CELF5: variants seen among roughly 807,000 people sequenced by gnomAD.
The protein encoded by CELF5 is CUG-BP and ETR-3 like factor 5.
Under a neutral mutation model 54.9 loss-of-function variants are expected in CELF5, and 6 were observed. That is an observed-to-expected ratio of 0.11 (90% CI 0.06 to 0.22). The LOEUF (loss-of-function observed/expected upper bound fraction) is 0.22. CELF5 is among the 10% of genes least tolerant of loss of function. CELF5 has a pLI of 1.00. For missense variants in CELF5, 401 were observed against 678.6 expected, an observed-to-expected ratio of 0.59 and a Z score of 4.54; for synonymous variants, 271 against 290.9, an observed-to-expected ratio of 0.93 and a Z score of 0.70.
intron 1 of CELF5, among the ~76,000 whole-genome samples, chr19:3,231,595 G>A (rs1281748810): frequency 6.6e-6 from 1 of 151,008 alleles, no homozygotes; most frequent in Non-Finnish European, 1.5e-5. Flanking sequence ...ATGGGTGGGT[G>A]GATGGATGGA....
chr19:3,266,966 G>A (rs1300863296), intron 2 of CELF5, among the ~76,000 whole-genome samples: 1 of 152,134 alleles, frequency 6.6e-6, no homozygotes, highest in South Asian at 2.1e-4. Context: ...ACGCCCGCAC[G>A]AGCACAGCCT....
At chr19:3,273,810 A>ACCCCCCCCCCCCCC in intron 2 of CELF5, 62 bp from the exon 3 acceptor site, 6 of 1,190,148 alleles carry the variant, frequency 5.0e-6, no homozygotes, top group Non-Finnish European at 6.2e-6. Context: ...CTCAGGCAAA[A>ACCCCCCCCCCCCCC]CCCCCCGCCT....
At chr19:3,263,797 C>T (rs2079841911) in intron 2 of CELF5, among the ~76,000 whole-genome samples, 1 of 150,792 alleles carries the variant, frequency 6.6e-6, no homozygotes, top group South Asian at 2.1e-4. Context: ...TCCAGCTACT[C>T]AGGAGGCTGA....
rs974278816 is a variant in CELF5 at position 3,275,971 on chromosome 19, C to T, written c.510C>T (p.Asp170=). The T allele has an allele frequency of 6.9e-6, 10 of 1,442,934 alleles. No individual in the cohort carries two copies. The African/African-American group carries it at 1.4e-4, about 20-fold the overall frequency. 89.4% of individuals were successfully genotyped at this position (1,442,934 alleles called of 1,614,324 possible). A position where few individuals can be genotyped will look rare whatever the true frequency, so the allele number is the denominator to read the frequency against. Residue 170 remains aspartate, a synonymous_variant, in exon 4 of 13, where the codon GAC becomes GAT. Transcript: ENST00000292672. This position sits in a 1 kb window ranked among gnomAD's most constrained non-coding sequence, Gnocchi z 6.7. The stretch of plus-strand genomic sequence containing the variant: ...AGTGCACCGTGCTCCGGGGGCCTGA[C>T]GGCAGCAGCAAAGGTGACTGGCGGG... ...IDECTVLRGP[D]GSSKGCAFVK...
intron 11 of CELF5, 126 bp downstream of exon 11, chr19:3,290,500 T>A (rs1304525521): frequency 2.9e-6 from 3 of 1,040,626 alleles, no homozygotes; most frequent in Non-Finnish European, 4.3e-6. Context: ...AGAACCAGCC[T>A]GTGGCCGGGC....
At chr19:3,241,808 C>T (rs1054403467) in intron 1 of CELF5, among the ~76,000 whole-genome samples, 1 of 152,108 alleles carries the variant, frequency 6.6e-6, no homozygotes, top group African/African-American at 2.4e-5. Flanking sequence ...GACAGAGTCT[C>T]CCTCTTGCCC....
At chr19:3,271,342 TG>T (rs2079960741) in intron 2 of CELF5, among the ~76,000 whole-genome samples, 1 of 151,492 alleles carries the variant, frequency 6.6e-6, no homozygotes. Flanking sequence ...TAGCAGGGTG[TG>T]GTACCCAGGT....
At chr19:3,285,774 C>T in intron 9 of CELF5, among the ~76,000 whole-genome samples, 168 bp from the exon 10 acceptor site, 1 of 148,264 alleles carries the variant, frequency 6.7e-6, no homozygotes, top group Non-Finnish European at 1.5e-5. Flanking sequence ...TGGCCCCGCC[C>T]TCTGGCCTGG....
At chr19:3,276,005 C>A (rs764373379) in intron 4 of CELF5, 21 bp downstream of exon 4, 3 of 701,578 alleles carry the variant, frequency 4.3e-6, no homozygotes, top group Admixed American at 4.2e-5. Context: ...GGGGCCGGGG[C>A]GGGACTGCGA....
intron 2 of CELF5, among the ~76,000 whole-genome samples, chr19:3,260,749 A>G (rs980854609): frequency 6.6e-6 from 1 of 150,894 alleles, no homozygotes; most frequent in Non-Finnish European, 1.5e-5. Context: ...CAGCCTCCCT[A>G]GTAGCTGGGA....
At chr19:3,236,046 A>C (rs1247412319) in intron 1 of CELF5, among the ~76,000 whole-genome samples, 1 of 152,064 alleles carries the variant, frequency 6.6e-6, no homozygotes, top group Non-Finnish European at 1.5e-5. Flanking sequence ...GGCTGTGGAG[A>C]GGAGCAGGCA....
At chr19:3,288,548 C>G (rs1269397081) in intron 10 of CELF5, among the ~76,000 whole-genome samples, 1 of 147,312 alleles carries the variant, frequency 6.8e-6, no homozygotes, top group Non-Finnish European at 1.5e-5. Context: ...ACAAACAAAA[C>G]AAAAGAAAAC....
chr19:3,224,835 C>T lies in CELF5; in HGVS notation c.96C>T (p.Pro32=), dbSNP rs940514000. The T allele has an allele frequency of 2.5e-6, 4 of 1,589,350 alleles. No individual in the cohort carries two copies. The highest frequency in any genetic ancestry group is 3.4e-6 in the Non-Finnish European group (4 of 1,169,276). Reference sequence around the variant, plus strand: ...TGGGCAGCAGCGGGCCCGAGCCCCCCGGGGGGCAGCCCGACGGCATGAAGG... The same window carrying T: ...TGGGCAGCAGCGGGCCCGAGCCCCCTGGGGGGCAGCCCGACGGCATGAAGG... The part of the protein sequence containing the change: ...SPVGSSGPEP[P]GGQPDGMKDL... The change falls in exon 1 of 13, where the codon CCC becomes CCT. Residue 32 remains proline, a synonymous_variant. Coordinates refer to ENST00000292672, the MANE Select transcript of CELF5 (RefSeq NM_021938.4).
At chr19:3,280,218 T>G (rs1353430694) in intron 5 of CELF5, among the ~76,000 whole-genome samples, 1 of 152,070 alleles carries the variant, frequency 6.6e-6, no homozygotes, top group Non-Finnish European at 1.5e-5. Flanking sequence ...TCCCCACCAG[T>G]GGCTACTGTC....
intron 10 of CELF5, 76 bp from the exon 11 acceptor site, chr19:3,290,155 A>C: frequency 8.5e-7 from 1 of 1,182,748 alleles, no homozygotes; most frequent in South Asian, 1.3e-5. Context: ...TGCGGGCTCC[A>C]GACCTGTGCC....
At chr19:3,264,792 C>G (rs751769408) in intron 2 of CELF5, among the ~76,000 whole-genome samples, 2 of 151,724 alleles carry the variant, frequency 1.3e-5, no homozygotes, top group Non-Finnish European at 2.9e-5. Flanking sequence ...TCTTGGCTCA[C>G]TGCAACCTCT....
At chr19:3,293,224 A>G in intron 11 of CELF5, 95 bp from the exon 12 acceptor site, 1 of 1,541,996 alleles carries the variant, frequency 6.5e-7, no homozygotes, top group Non-Finnish European at 8.8e-7. Context: ...AGGCCTGCTC[A>G]GGACCCCGTG....
chr19:3,288,238 T>C (rs1282757488), intron 10 of CELF5, among the ~76,000 whole-genome samples: 7 of 152,042 alleles, frequency 4.6e-5, no homozygotes, highest in African/African-American at 1.7e-4. Context: ...AGAACAAGCA[T>C]TGGCTGGGTG....
At chr19:3,290,801 C>T (rs1443503882) in intron 11 of CELF5, among the ~76,000 whole-genome samples, 1 of 150,494 alleles carries the variant, frequency 6.6e-6, no homozygotes, top group East Asian at 2.0e-4. Flanking sequence ...CTCCTGACCT[C>T]GTGATCTGCC....
Sources: gnomAD v4.1 joint callset for allele counts (sites outside exome capture counted in the v4.1 genomes callset) on GRCh38, gnomAD v4.1.1 for gene constraint, Gnocchi (gnomAD v3.1) non-coding constraint, MANE v1.5 for transcripts, NCBI Gene and HGNC (gene_info 2026-07-23, HGNC 2026-07-21) for gene names.